The following POLR3B variants were observed in gnomAD, a reference collection of about 807,000 sequenced individuals.
The protein encoded by POLR3B is RNA polymerase III subunit B.
In POLR3B, 96 loss-of-function variants were observed where a neutral mutation model predicts 147.4. That is an observed-to-expected ratio of 0.65 (90% CI 0.55 to 0.77). The LOEUF (loss-of-function observed/expected upper bound fraction) is 0.77, where lower values mean the gene tolerates loss of function less well. Ranked by LOEUF, POLR3B falls within the 30% of genes least tolerant of loss-of-function variation. The probability of loss-of-function intolerance (pLI) is 0.00; values close to 1 mark genes in which losing one functional copy is unlikely to be tolerated. For missense variants in POLR3B, 1,036 were observed against 1,413.5 expected, an observed-to-expected ratio of 0.73 and a Z score of 4.28; for synonymous variants, 461 against 485.9, an observed-to-expected ratio of 0.95 and a Z score of 0.67.
chr12:106,497,927 C>G (rs1399267467), intron 25 of POLR3B, among the ~76,000 whole-genome samples: 2 of 152,184 alleles, frequency 1.3e-5, no homozygotes, highest in Non-Finnish European at 2.9e-5. Flanking sequence ...AATACTATTG[C>G]CTGTCTCCCC....
At position 106,432,588 on chromosome 12, in the gene POLR3B, C is replaced by T. The variant is rs572416735; in HGVS notation, c.1627+108C>T. ...CACAGATAGACTTTAATTCTGGGCC[C>T]AGGTTGACCTTCACTTAAAGGTAGA... On this transcript the variant is annotated intron_variant, in intron 15 of 27. Transcript: ENST00000228347. The T allele has an allele frequency of 3.8e-4, 350 of 923,656 alleles. 1 individual carries two copies. The African/African-American group carries it at 5.2e-3, about 14-fold the overall frequency. 57.2% of individuals were successfully genotyped at this position (923,656 alleles called of 1,614,324 possible).
chr12:106,419,648 T>C (rs2037348306), intron 12 of POLR3B, among the ~76,000 whole-genome samples: 1 of 152,042 alleles, frequency 6.6e-6, no homozygotes, highest in Admixed American at 6.6e-5. Flanking sequence ...AGCTTTTTTC[T>C]TCCACTGCAA....
Position 106,437,701 on chromosome 12 carries a change from A to T in POLR3B, c.1877A>T (p.His626Leu), listed in dbSNP as rs998404430. ...QGYRNFEDFL[H>L]ESLVEYLDVN... Reference sequence around the variant, plus strand: ...CCCAGGAATTTTGAAGATTTCTTACATGAGAGTCTGGTTGAATATTTAGAT... The same window carrying T: ...CCCAGGAATTTTGAAGATTTCTTACTTGAGAGTCTGGTTGAATATTTAGAT... Residue 626 changes from histidine (H) to leucine (L), a missense_variant, in exon 18 of 28, where the codon CAT becomes CTT. By Grantham distance (99) the His-to-Leu change is moderately conservative (BLOSUM62 -3). Transcript: ENST00000228347. 1 of 1,598,012 alleles carries T rather than the reference A, an allele frequency of 6.3e-7. No individual in the cohort carries two copies. The highest frequency in any genetic ancestry group is 8.6e-7 in the Non-Finnish European group (1 of 1,165,656).
chr12:106,497,373 T>C (rs973230067), intron 25 of POLR3B, among the ~76,000 whole-genome samples: 1 of 152,026 alleles, frequency 6.6e-6, no homozygotes, highest in Non-Finnish European at 1.5e-5. Flanking sequence ...CTGGTAAGAT[T>C]ATAATTTGGA....
chr12:106,374,969 C>T (rs1053804448), intron 6 of POLR3B, among the ~76,000 whole-genome samples: 1 of 152,162 alleles, frequency 6.6e-6, no homozygotes, highest in African/African-American at 2.4e-5. Context: ...TTTCCGTCTT[C>T]CTGAAGATGA....
At chr12:106,368,863 T>C (rs1253272980) in intron 4 of POLR3B, among the ~76,000 whole-genome samples, 2 of 151,272 alleles carry the variant, frequency 1.3e-5, no homozygotes, top group Non-Finnish European at 2.9e-5. Context: ...TTCCGCTTTA[T>C]CCTTTTCATC....
intron 23 of POLR3B, among the ~76,000 whole-genome samples, chr12:106,495,719 A>G (rs560172066): frequency 6.6e-6 from 1 of 152,186 alleles, no homozygotes; most frequent in Non-Finnish European, 1.5e-5. Flanking sequence ...CTGCTGACTT[A>G]AAGCTTCAGG....
chr12:106,500,239 C>G, intron 25 of POLR3B: 1 of 449,416 alleles, frequency 2.2e-6, no homozygotes, highest in South Asian at 1.6e-5. Flanking sequence ...CATCAGTTCT[C>G]TGGTTGTTCT....
chr12:106,454,680 T>C lies in POLR3B; in HGVS notation c.2262T>C (p.Ala754=). 1 of 1,608,898 alleles carries C rather than the reference T, an allele frequency of 6.2e-7. No individual in the cohort carries two copies. The highest frequency in any genetic ancestry group is 8.5e-7 in the Non-Finnish European group (1 of 1,175,406). Residue 754 remains alanine, a synonymous_variant, in exon 20 of 28, where the codon GCT becomes GCC. Transcript: ENST00000228347. ...MSYSGYDIED[A]LVLNKASLDR... is the part of the protein sequence containing the mutation. ...ATAGTGGCTATGATATTGAAGATGC[T>C]CTTGTTTTAAACAAGGCCTCTTTAG...
At position 106,477,047 on chromosome 12, in the gene POLR3B, G is replaced by C. The variant is rs1282920217; in HGVS notation, c.2713+13427G>C. On this transcript the variant is annotated intron_variant, in intron 23 of 27. Coordinates refer to ENST00000228347, the MANE Select transcript of POLR3B (RefSeq NM_018082.6). ...ATGGTGATGTACAGATGGGTTTTTG[G>C]TGTGGATGTCCTTTCTGTTTGTTAG... Among the ~76,000 whole-genome samples the C allele has an allele frequency of 2.8e-5, 4 of 145,306 alleles. No homozygotes were observed. The South Asian group carries it at 9.2e-4, about 33-fold the overall frequency.
chr12:106,372,937 C>T (rs10861583), intron 6 of POLR3B, among the ~76,000 whole-genome samples: 57,859 of 151,998 alleles, frequency 0.38, 12,821 homozygotes, highest in African/African-American at 0.61. Flanking sequence ...TACGATTTCC[C>T]TTTTAACGTG....
chr12:106,479,951 T>C (rs1245013834), intron 23 of POLR3B, among the ~76,000 whole-genome samples: 1 of 151,710 alleles, frequency 6.6e-6, no homozygotes, highest in African/African-American at 2.4e-5. Context: ...GTAGCTGCAC[T>C]ACAGGCATGC....
chr12:106,397,012 T>G (rs1373725492), intron 10 of POLR3B, among the ~76,000 whole-genome samples: 1 of 151,796 alleles, frequency 6.6e-6, no homozygotes, highest in Non-Finnish European at 1.5e-5. Context: ...GTTCTGCTAC[T>G]TGGGAGGCTG....
chr12:106,505,322 C>T (rs2038669106), intron 27 of POLR3B, among the ~76,000 whole-genome samples: 1 of 152,028 alleles, frequency 6.6e-6, no homozygotes, highest in South Asian at 2.1e-4. Flanking sequence ...GAGTCTCACT[C>T]TGTCACCCAG....
chr12:106,437,793 A>T lies in POLR3B; in HGVS notation c.1955+14A>T. On this transcript the variant is annotated intron_variant, in intron 18 of 27. Transcript: ENST00000228347. ...CACAATTAATAAGTAAGTAGGATCC[A>T]TAGCAACCATAATTAAAACGTGTTC... 1 of 1,387,028 alleles carries T rather than the reference A, an allele frequency of 7.2e-7. No individual in the cohort carries two copies. Among genetic ancestry groups the T allele is most frequent in the Non-Finnish European group, 1.0e-6 (1 of 973,504 alleles). The allele number at this position is 1,387,028 out of a possible 1,614,324, so 85.9% of individuals were successfully genotyped here.
At chr12:106,501,234 G>A (rs2038595496) in intron 25 of POLR3B, 89 bp from the exon 26 acceptor site, 2 of 801,932 alleles carry the variant, frequency 2.5e-6, no homozygotes, top group Admixed American at 1.7e-5. Flanking sequence ...TCATAAATGA[G>A]TAAGGACCTG....
At chr12:106,452,914 A>G (rs1054399475) in intron 19 of POLR3B, among the ~76,000 whole-genome samples, 3 of 152,200 alleles carry the variant, frequency 2.0e-5, no homozygotes, top group Non-Finnish European at 2.9e-5. Flanking sequence ...TTGAGCATCT[A>G]TAATAAGCAT....
At chr12:106,380,259 G>T (rs2036741684) in intron 9 of POLR3B, 120 bp downstream of exon 9, 2 of 699,840 alleles carry the variant, frequency 2.9e-6, no homozygotes, top group Admixed American at 2.0e-5. Context: ...GATGTAAGTT[G>T]TCAGTCATAT....
intron 9 of POLR3B, among the ~76,000 whole-genome samples, chr12:106,387,674 T>A (rs572397650): frequency 6.6e-6 from 1 of 152,342 alleles, no homozygotes; most frequent in South Asian, 2.1e-4. Flanking sequence ...GACTTTTCCA[T>A]CTGGGAGGCA....
Sources: allele counts gnomAD v4.1 joint callset (sites outside exome capture counted in the v4.1 genomes callset), GRCh38; gene constraint gnomAD v4.1.1; transcripts MANE v1.5; gene names NCBI Gene and HGNC (gene_info 2026-07-23, HGNC 2026-07-21).